The following COL4A5 variants were observed in gnomAD, a reference collection of about 807,000 sequenced individuals.
COL4A5 encodes the protein collagen alpha-5(IV) chain.
A neutral mutation model predicts 130.2 loss-of-function variants in COL4A5; 26 were observed. The ratio of observed to expected loss-of-function variants is 0.20; its 90% CI spans 0.15 to 0.28. COL4A5 has a LOEUF of 0.28. Among genes scored for constraint, COL4A5 ranks in the 10% least tolerant of loss-of-function variants. The probability of loss-of-function intolerance (pLI) is 1.00; values close to 1 mark genes in which losing one functional copy is unlikely to be tolerated. For synonymous variants in COL4A5, 496 were observed against 439.6 expected (o/e 1.13, Z -1.60); for missense variants, 1,131 against 1,344.3 (o/e 0.84, Z 2.48).
intron 49 of COL4A5, among the ~76,000 whole-genome samples, chrX:108,691,836 G>A (rs2068643422): frequency 1.8e-5 from 2 of 111,541 alleles, no homozygotes; most frequent in Non-Finnish European, 3.8e-5. Flanking sequence ...GCATTTAAAA[G>A]AGTGATATAA....
chrX:108,475,161 G>A (rs181441192), intron 1 of COL4A5, among the ~76,000 whole-genome samples: 26 of 111,027 alleles, frequency 2.3e-4, no homozygotes, highest in Non-Finnish European at 4.5e-4. Context: ...GATAGGGATG[G>A]CATTGAATCT....
intron 21 of COL4A5, among the ~76,000 whole-genome samples, chrX:108,592,224 A>G (rs970778354): frequency 2.7e-5 from 3 of 111,447 alleles, no homozygotes; most frequent in African/African-American, 9.8e-5. Context: ...ACCTGTGCCC[A>G]TATAGTCTCC....
At chrX:108,539,508 C>T (rs983514888) in intron 1 of COL4A5, among the ~76,000 whole-genome samples, 7 of 111,718 alleles carry the variant, frequency 6.3e-5, no homozygotes, top group Non-Finnish European at 1.1e-4. Flanking sequence ...ATATTTTTCA[C>T]TTTAAAATTA....
chrX:108,461,775 A>G (rs2064655721), intron 1 of COL4A5, among the ~76,000 whole-genome samples: 1 of 110,881 alleles, frequency 9.0e-6, no homozygotes, highest in Admixed American at 9.6e-5. Flanking sequence ...TTGTATCTTT[A>G]GTAGAGACAG....
intron 42 of COL4A5, among the ~76,000 whole-genome samples, chrX:108,673,101 G>A (rs1243691990): frequency 2.7e-5 from 3 of 112,033 alleles, no homozygotes; most frequent in Admixed American, 9.5e-5. Context: ...CATCTTAAGG[G>A]CAGAGTTTGA....
chrX:108,474,979 A>G (rs2064817742), intron 1 of COL4A5, among the ~76,000 whole-genome samples: 1 of 111,198 alleles, frequency 9.0e-6, no homozygotes. Context: ...TTCCAGTACC[A>G]TGTTGTTTTG....
intron 1 of COL4A5, among the ~76,000 whole-genome samples, chrX:108,471,021 A>G (rs2064763250): frequency 2.7e-5 from 3 of 111,788 alleles, no homozygotes. Flanking sequence ...TTTTTGTACC[A>G]GTACCATGCT....
intron 36 of COL4A5, among the ~76,000 whole-genome samples, chrX:108,645,979 A>G (rs1369321749): frequency 9.1e-6 from 1 of 110,483 alleles, no homozygotes; most frequent in African/African-American, 3.4e-5. Flanking sequence ...CCAGTCTATC[A>G]TTGTTGGACA....
chrX:108,694,476 C>T (rs1487335638), intron 50 of COL4A5: 1 of 260,099 alleles, frequency 3.8e-6, no homozygotes, highest in African/African-American at 2.8e-5. Context: ...ACTTTGACAA[C>T]AAGTAGTATG....
chrX:108,525,539 A>G (rs2065303711), intron 1 of COL4A5, among the ~76,000 whole-genome samples: 1 of 109,752 alleles, frequency 9.1e-6, no homozygotes, highest in Non-Finnish European at 1.9e-5. Context: ...TTTTCTATGT[A>G]TCTCATGGTT....
Position 108,598,384 on chromosome X carries a change from G to T in COL4A5, c.1780-318G>T, listed in dbSNP as rs56156762. ...ACAGCCCAGGATATTTAGGTAGGAA[G>T]TGATATTTTATAATGTTATCTAGAC... On this transcript the variant is annotated intron_variant, in intron 24 of 52. Coordinates refer to ENST00000328300, the MANE Select transcript of COL4A5 (RefSeq NM_033380.3). Among the ~76,000 whole-genome samples the T allele has an allele frequency of 5.9e-3, 654 of 111,614 alleles. 4 individuals carry two copies. Among genetic ancestry groups the T allele is most frequent in the South Asian group, 0.018 (48 of 2,681 alleles).
intron 4 of COL4A5, among the ~76,000 whole-genome samples, chrX:108,566,514 A>G (rs1275592240): frequency 9.1e-6 from 1 of 110,373 alleles, no homozygotes; most frequent in Non-Finnish European, 1.9e-5. Flanking sequence ...AATGTGATTT[A>G]GATACCACAG....
At chrX:108,591,713 T>C (rs2147798449) in intron 21 of COL4A5, 69 bp downstream of exon 21, 1 of 874,235 alleles carries the variant, frequency 1.1e-6, no homozygotes, top group South Asian at 2.0e-5. Context: ...AAATCCCCTG[T>C]ATCCTCCATC....
intron 42 of COL4A5, among the ~76,000 whole-genome samples, chrX:108,673,534 G>A (rs750432767): frequency 9.1e-6 from 1 of 110,150 alleles, no homozygotes; most frequent in Non-Finnish European, 1.9e-5. Flanking sequence ...CTTAATATGT[G>A]CATTGAATAA....
intron 1 of COL4A5, among the ~76,000 whole-genome samples, chrX:108,480,574 G>A (rs2064879277): frequency 8.9e-6 from 1 of 112,937 alleles, no homozygotes; most frequent in Non-Finnish European, 1.9e-5. Context: ...CTATATTGCT[G>A]GCTTTGCCAG....
At chrX:108,623,161 T>C (rs1459313454) in intron 33 of COL4A5, among the ~76,000 whole-genome samples, 2 of 112,032 alleles carry the variant, frequency 1.8e-5, no homozygotes, top group Non-Finnish European at 3.8e-5. Context: ...TTTCAGTGTT[T>C]AGGAAATTTG....
In COL4A5 at chrX:108,458,902, C is replaced by T. The variant is rs190981333; in HGVS notation, c.81+18696C>T. Among the ~76,000 whole-genome samples the T allele has an allele frequency of 8.4e-3, 925 of 110,323 alleles. 21 individuals carry two copies. The highest frequency in any genetic ancestry group is 0.028 in the African/African-American group (864 of 30,319). On this transcript the variant is annotated intron_variant, in intron 1 of 52. Transcript: ENST00000328300. ...GGCTGAGGCAGGAGAATGGCGTGAA[C>T]CCGGGAGGCGGAGCTTGCAGTGAGC... is the stretch of plus-strand genomic sequence containing the variant.
chrX:108,656,768 C>T (rs2067850323), intron 37 of COL4A5, among the ~76,000 whole-genome samples: 1 of 111,676 alleles, frequency 9.0e-6, no homozygotes, highest in Admixed American at 9.6e-5. Flanking sequence ...TAGTATTAAT[C>T]ATCTTTTTAT....
chrX:108,594,577 T>C (rs1254183272), intron 21 of COL4A5, among the ~76,000 whole-genome samples: 1 of 110,491 alleles, frequency 9.1e-6, no homozygotes, highest in Admixed American at 9.7e-5. Context: ...GTCAACTTTC[T>C]GACCTTGTTC....
Sources: allele counts gnomAD v4.1 joint callset (sites outside exome capture counted in the v4.1 genomes callset), GRCh38; gene constraint gnomAD v4.1.1; transcripts MANE v1.5; gene names NCBI Gene and HGNC (gene_info 2026-07-23, HGNC 2026-07-21).